Variants in CDCA7 observed in about 807,000 individuals in gnomAD.
CDCA7 encodes the protein cell division cycle-associated protein 7.
A neutral mutation model predicts 54.0 loss-of-function variants in CDCA7; 28 were observed. The observed-to-expected ratio is 0.52, with a 90% CI of 0.38 to 0.71. CDCA7 has a LOEUF of 0.71. Among genes scored for constraint, CDCA7 ranks in the 30% least tolerant of loss-of-function variants. The pLI is 0.00. For missense variants in CDCA7, 484 were observed against 586.0 expected (o/e 0.83, Z 1.80); for synonymous variants, 180 against 208.2 (o/e 0.86, Z 1.16).
chr2:173,362,026 A>T (rs1302669231), intron 3 of CDCA7, among the ~76,000 whole-genome samples: 2 of 152,154 alleles, frequency 1.3e-5, no homozygotes, highest in East Asian at 3.9e-4. Context: ...CATGTTGGCC[A>T]GACTGGTGTC....
intron 3 of CDCA7, among the ~76,000 whole-genome samples, chr2:173,361,968 C>T (rs964470173): frequency 6.6e-6 from 1 of 152,090 alleles, no homozygotes; most frequent in Non-Finnish European, 1.5e-5. Flanking sequence ...AGGCGTGTGC[C>T]ACTGTGCCTG....
chr2:173,367,064 TAAA>T, intron 8 of CDCA7, 83 bp from the exon 9 acceptor site: 1 of 1,494,524 alleles, frequency 6.7e-7, no homozygotes, highest in Non-Finnish European at 9.0e-7. Flanking sequence ...TTTTTAACCA[TAAA>T]GAAGGGGTTA....
intron 5 of CDCA7, 143 bp downstream of exon 5, chr2:173,364,038 C>A: frequency 5.9e-6 from 4 of 678,002 alleles, no homozygotes; most frequent in Non-Finnish European, 7.4e-6. Context: ...CCTGACAGAT[C>A]TCTGGATGAT....
In CDCA7 at chr2:173,367,657, A is replaced by C. The variant is rs1057467198; in HGVS notation, c.1346A>C (p.Gln449Pro). ...LKSLKQEFEM[Q>P]A Reference sequence around the variant, plus strand: ...AGCCTGAAACAGGAATTTGAAATGCAAGCATAATATCTGGAAAATTTGCTG... The same window carrying C: ...AGCCTGAAACAGGAATTTGAAATGCCAGCATAATATCTGGAAAATTTGCTG... Residue 449 changes from glutamine (Q) to proline (P), a missense_variant, in exon 10 of 10, where the codon CAA becomes CCA. Coordinates refer to ENST00000306721, the MANE Select transcript of CDCA7 (RefSeq NM_031942.5). 2 of 1,614,194 alleles carry C rather than the reference A, an allele frequency of 1.2e-6. No individual in the cohort carries two copies. The highest frequency in any genetic ancestry group is 1.7e-6 in the Non-Finnish European group (2 of 1,180,006).
chr2:173,359,385 A>C lies in CDCA7; in HGVS notation c.278A>C (p.Gln93Pro). 1 of 1,614,238 alleles carries C rather than the reference A, an allele frequency of 6.2e-7. No individual in the cohort carries two copies. The highest frequency in any genetic ancestry group is 8.5e-7 in the Non-Finnish European group (1 of 1,180,046). ...GTATTAGACCATTGTGGATTTTTAC[A>C]GAAACCAAGGCCAGATGTCACTAAC... is the stretch of plus-strand genomic sequence containing the variant. Reference protein sequence around the residue: ...QDVLDHCGFLQKPRPDVTNEL... With the variant: ...QDVLDHCGFLPKPRPDVTNEL... The change falls in exon 3 of 10, where the codon CAG becomes CCG. Residue 93 changes from glutamine to proline, a missense_variant. Physicochemically the swap from Gln to Pro is moderately conservative, Grantham distance 76. Coordinates refer to ENST00000306721, the MANE Select transcript of CDCA7 (RefSeq NM_031942.5).
In CDCA7 at chr2:173,365,500, C is replaced by T. The variant is rs370788734; in HGVS notation, c.943C>T (p.Pro315Ser). 1.2e-6 allele frequency: 2 copies of T among 1,614,060 alleles called. No homozygotes were observed. Among genetic ancestry groups the T allele is most frequent in the African/African-American group, 2.7e-5 (2 of 74,922 alleles). ...SRRSRSSVTL[P>S]HIIRPVEEIT... ...TCGCTCCAGATCATCCGTGACCCTT[C>T]CGCATATAATTCGCCCAGTGGAAGA... is the stretch of plus-strand genomic sequence containing the variant. The change falls in exon 7 of 10, where the codon CCG (proline) becomes TCG (serine). Residue 315 changes from proline (P) to serine (S), a missense_variant. Physicochemically the swap from Pro to Ser is moderately conservative, Grantham distance 74. Around this residue, in one of 3 missense-constraint regions of CDCA7, gnomAD observed 398 missense variants for 447.4 expected, o/e 0.89. Coordinates refer to ENST00000306721, the MANE Select transcript of CDCA7 (RefSeq NM_031942.5).
chr2:173,356,862 A>G (rs1383801374), intron 1 of CDCA7, among the ~76,000 whole-genome samples: 1 of 152,246 alleles, frequency 6.6e-6, no homozygotes, highest in Non-Finnish European at 1.5e-5. Context: ...TGCCTTGTTA[A>G]GAGGGCAAAA....
chr2:173,359,659 A>T (rs548039421), intron 3 of CDCA7, among the ~76,000 whole-genome samples, 168 bp downstream of exon 3: 4 of 152,356 alleles, frequency 2.6e-5, no homozygotes, highest in African/African-American at 9.6e-5. Flanking sequence ...GTGTTTACTA[A>T]TGTAGTCGGA....
At chr2:173,358,060 C>T (rs12987336) in intron 1 of CDCA7, among the ~76,000 whole-genome samples, 8 of 150,224 alleles carry the variant, frequency 5.3e-5, no homozygotes, top group East Asian at 2.0e-4. Flanking sequence ...ATTAACCGGG[C>T]GTGGTGGCGG....
In CDCA7 at chr2:173,367,742, G is replaced by C; in HGVS notation, c.*78G>C. On this transcript the variant is annotated 3_prime_UTR_variant, in exon 10 of 10. Coordinates refer to ENST00000306721, the MANE Select transcript of CDCA7 (RefSeq NM_031942.5). ...GTTTCCAATTTTTTCACTGAAACCT[G>C]AGTTAAAAATCTTGATGATCAGCCT... is the stretch of plus-strand genomic sequence containing the variant. 1 of 1,462,064 alleles carries C rather than the reference G, an allele frequency of 6.8e-7. No homozygotes were observed. Among genetic ancestry groups the C allele is most frequent in the Non-Finnish European group, 9.6e-7 (1 of 1,043,246 alleles). 90.6% of individuals were successfully genotyped at this position (1,462,064 alleles called of 1,614,324 possible).
intron 1 of CDCA7, among the ~76,000 whole-genome samples, chr2:173,356,469 A>G (rs1336770884): frequency 1.3e-5 from 2 of 152,140 alleles, no homozygotes; most frequent in South Asian, 2.1e-4. Flanking sequence ...CTTGCAGTCT[A>G]TTACACCTTC....
Position 173,363,846 on chromosome 2 carries a change from G to C in CDCA7, c.650G>C (p.Ser217Thr). 1 of 1,614,230 alleles carries C rather than the reference G, an allele frequency of 6.2e-7. No homozygotes were observed. The highest frequency in any genetic ancestry group is 8.5e-7 in the Non-Finnish European group (1 of 1,180,030). Residue 217 changes from serine (S) to threonine (T), a missense_variant, in exon 5 of 10, where the codon AGC (serine) becomes ACC (threonine). Around this residue, in one of 3 missense-constraint regions of CDCA7, gnomAD observed 398 missense variants for 447.4 expected, o/e 0.89. Transcript: ENST00000306721. Reference sequence around the variant, plus strand: ...GCAAAACTCATGTCTGAATTAGAAAGCTTCCCTGGCTCGTTCCGTGGAAGA... The same window carrying C: ...GCAAAACTCATGTCTGAATTAGAAACCTTCCCTGGCTCGTTCCGTGGAAGA... ...MLAKLMSELESFPGSFRGRHP... is the reference protein window; with the variant it reads ...MLAKLMSELETFPGSFRGRHP...
chr2:173,367,704 C>T lies in CDCA7; in HGVS notation c.*40C>T. 1.2e-6 allele frequency: 2 copies of T among 1,610,062 alleles called. No homozygotes were observed. The highest frequency in any genetic ancestry group is 1.7e-6 in the Non-Finnish European group (2 of 1,176,992). On this transcript the variant is annotated 3_prime_UTR_variant, in exon 10 of 10. Coordinates refer to ENST00000306721, the MANE Select transcript of CDCA7 (RefSeq NM_031942.5). Reference sequence around the variant, plus strand: ...GCTGCCTGCCTTCTACTTCTCAAATCTTTCTTGTAAAAGTTTCCAATTTTT... The same window carrying T: ...GCTGCCTGCCTTCTACTTCTCAAATTTTTCTTGTAAAAGTTTCCAATTTTT...
At position 173,363,529 on chromosome 2, in the gene CDCA7, C is replaced by T. The variant is rs2278638; in HGVS notation, c.621+67C>T. On this transcript the variant is annotated intron_variant, in intron 4 of 9. Coordinates refer to ENST00000306721, the MANE Select transcript of CDCA7 (RefSeq NM_031942.5). ...AAGCGACTCATTACTTAAATCTGTT[C>T]CATCACGCAAAAGTTATTTTTTTCT... The T allele has an allele frequency of 9.7e-6, 14 of 1,440,556 alleles. No individual in the cohort carries two copies. The East Asian group carries it at 2.3e-4, about 23-fold the overall frequency. 89.2% of individuals were successfully genotyped at this position (1,440,556 alleles called of 1,614,324 possible). A position where few individuals can be genotyped will look rare whatever the true frequency, so the allele number is the denominator to read the frequency against.
Position 173,366,524 on chromosome 2 carries a change from C to T in CDCA7, c.1185+92C>T. 1.3e-6 allele frequency: 2 copies of T among 1,515,976 alleles called. No individual in the cohort carries two copies. Among genetic ancestry groups the T allele is most frequent in the Non-Finnish European group, 1.8e-6 (2 of 1,123,006 alleles). 93.9% of individuals were successfully genotyped at this position (1,515,976 alleles called of 1,614,324 possible). A position where few individuals can be genotyped will look rare whatever the true frequency, so the allele number is the denominator to read the frequency against. ...AAAAGGCATTGGTGAAGGGGTGGAG[C>T]CCTTTCTGTTATGGGGTGCTCTTCT... On this transcript the variant is annotated intron_variant, in intron 8 of 9. Transcript: ENST00000306721. The surrounding 1 kb of genome is among the most constrained non-coding windows in gnomAD (Gnocchi z 4.5).
chr2:173,362,456 A>G (rs1247313743), intron 3 of CDCA7, among the ~76,000 whole-genome samples: 1 of 152,168 alleles, frequency 6.6e-6, no homozygotes, highest in African/African-American at 2.4e-5. Context: ...AATGGTTAAA[A>G]TGATAAATCT....
At chr2:173,364,643 C>T (rs1453884642) in intron 5 of CDCA7, 152 bp from the exon 6 acceptor site, 9 of 1,135,326 alleles carry the variant, frequency 7.9e-6, no homozygotes, top group Non-Finnish European at 9.3e-6. Context: ...GTTTTAGGCT[C>T]ATTTTGCCAT....
At chr2:173,356,746 C>G (rs1317841143) in intron 1 of CDCA7, among the ~76,000 whole-genome samples, 1 of 152,168 alleles carries the variant, frequency 6.6e-6, no homozygotes, top group East Asian at 1.9e-4. Flanking sequence ...CTCAAGTGAT[C>G]CTCCCACCTT....
At chr2:173,355,682 C>CACCCCCT in intron 1 of CDCA7, among the ~76,000 whole-genome samples, 2 of 150,944 alleles carry the variant, frequency 1.3e-5, no homozygotes, top group African/African-American at 4.9e-5. Context: ...CCCCACCCCC[C>CACCCCCT]ACCCCCCAGC....
Sources: gnomAD v4.1 joint callset for allele counts (sites outside exome capture counted in the v4.1 genomes callset) on GRCh38, gnomAD v4.1.1 for gene constraint, gnomAD v4.1.1 regional missense constraint, Gnocchi (gnomAD v3.1) non-coding constraint, MANE v1.5 for transcripts, NCBI Gene and HGNC (gene_info 2026-07-23, HGNC 2026-07-21) for gene names.